Variants in FHAD1 observed in about 807,000 individuals in gnomAD.
FHAD1 encodes forkhead associated phosphopeptide binding domain 1.
A neutral mutation model predicts 191.3 loss-of-function variants in FHAD1; 146 were observed. The observed-to-expected ratio is 0.76, with a 90% confidence interval of 0.67 to 0.88. The LOEUF is 0.88. FHAD1 is among the 40% of genes least tolerant of loss of function. FHAD1 has a pLI of 0.00. For synonymous variants in FHAD1, 616 were observed against 672.3 expected (o/e 0.92, Z 1.29); for missense variants, 1,635 against 1,785.8 (o/e 0.92, Z 1.52).
intron 3 of FHAD1, among the ~76,000 whole-genome samples, chr1:15,287,853 A>G (rs1663049785): frequency 6.6e-6 from 1 of 152,016 alleles, no homozygotes; most frequent in Non-Finnish European, 1.5e-5. Context: ...AACCCAGCTG[A>G]AGTTCTAGGA....
chr1:15,363,829 A>G (rs1198958507), intron 23 of FHAD1: 4 of 454,946 alleles, frequency 8.8e-6, no homozygotes, highest in Non-Finnish European at 1.8e-5. Flanking sequence ...AGCAGCACGT[A>G]AAGAAGGAGG....
chr1:15,383,745 C>T (rs1458808298), intron 31 of FHAD1: 3 of 308,694 alleles, frequency 9.7e-6, no homozygotes, highest in South Asian at 2.8e-5. Context: ...GCTTTGCAGC[C>T]GTGATAGGGC....
At chr1:15,362,832 A>T in intron 23 of FHAD1, 106 bp downstream of exon 23, 1 of 841,246 alleles carries the variant, frequency 1.2e-6, no homozygotes, top group East Asian at 2.7e-5. Context: ...CAGAAGCCAA[A>T]CAAGGAGCCG....
chr1:15,272,461 C>T lies in FHAD1; in HGVS notation c.232C>T (p.Pro78Ser), dbSNP rs1244039268. The change falls in exon 3 of 34, where the codon CCT becomes TCT. Residue 78 changes from proline (P) to serine (S), a missense_variant. By Grantham distance (74) the Pro-to-Ser change is moderately conservative (BLOSUM62 -1). Coordinates refer to ENST00000688493, the MANE Select transcript of FHAD1 (RefSeq NM_001391957.1). The part of the protein sequence containing the change: ...HIQNVAVKLI[P>S]GDILRFGSAG... ...TCAAAACGTGGCTGTGAAGCTCATC[C>T]CTGGAGACATCCTGAGATTTGGGTC... 2 of 1,551,186 alleles carry T rather than the reference C, an allele frequency of 1.3e-6. No individual in the cohort carries two copies. The highest frequency in any genetic ancestry group is 2.7e-5 in the African/African-American group (2 of 73,024).
chr1:15,252,476 A>G (rs1615985), intron 2 of FHAD1, among the ~76,000 whole-genome samples: 44,209 of 151,986 alleles, frequency 0.29, 7,443 homozygotes, highest in Non-Finnish European at 0.39. Flanking sequence ...GACATAGCAC[A>G]CTGGTGGGCA....
intron 15 of FHAD1, 25 bp downstream of exon 15, chr1:15,339,576 C>G (rs1685681357): frequency 3.3e-6 from 4 of 1,212,180 alleles, no homozygotes; most frequent in Non-Finnish European, 4.4e-6. Flanking sequence ...TTCTTTTTTT[C>G]CAAAGTTCAT....
chr1:15,287,577 C>T (rs191771781), intron 3 of FHAD1, among the ~76,000 whole-genome samples: 40 of 152,270 alleles, frequency 2.6e-4, no homozygotes, highest in African/African-American at 8.9e-4. Flanking sequence ...AGGTAACTGC[C>T]CCCATGATTC....
downstream of FHAD1, chr1:15,400,277 A>G (rs896697474): frequency 6.6e-6 from 1 of 152,246 alleles, no homozygotes; most frequent in Non-Finnish European, 1.5e-5. Flanking sequence ...ATCCCTATCT[A>G]TTTAAACCAC....
chr1:15,317,917 G>GA lies in FHAD1; in HGVS notation c.1360dup (p.Ser454LysfsTer4). 6.4e-7 allele frequency: 1 copy of GA among 1,550,660 alleles called. No individual in the cohort carries two copies. Among genetic ancestry groups the GA allele is most frequent in the South Asian group, 1.2e-5 (1 of 83,992 alleles). ...AAGCGTGATCTCTAGGACTCTGAGAGAAAAAAGCAAGGTACGTAGTGGACA... is the reference window on the plus strand; with the variant it reads ...AAGCGTGATCTCTAGGACTCTGAGAGAAAAAAAGCAAGGTACGTAGTGGACA... On this transcript the variant is annotated frameshift_variant, in exon 10 of 34. Coordinates refer to ENST00000688493, the MANE Select transcript of FHAD1 (RefSeq NM_001391957.1). LOFTEE classifies it high-confidence loss of function.
rs561909148 is a variant in FHAD1, at chr1:15,289,484, C to A, written c.386C>A (p.Pro129Gln). Residue 129 changes from proline to glutamine, a missense_variant, in exon 4 of 34, where the codon CCA becomes CAA. Physicochemically the swap from Pro to Gln is moderately conservative, Grantham distance 76. Transcript: ENST00000688493. This position sits in a 1 kb window ranked among gnomAD's most constrained non-coding sequence, Gnocchi z 4.2. ...RATQQPNQAPPPSHIPFHQGV... is the reference protein window; with the variant it reads ...RATQQPNQAPQPSHIPFHQGV... ...ACACAGCAGCCAAACCAGGCCCCCC[C>A]ACCATCACATATCCCCTTCCACCAA... The A allele has an allele frequency of 5.2e-6, 8 of 1,551,898 alleles. No homozygotes were observed. The highest frequency in any genetic ancestry group is 2.4e-5 in the East Asian group (1 of 40,930).
At chr1:15,384,804 A>T (rs752670181) in intron 31 of FHAD1, among the ~76,000 whole-genome samples, 5 of 152,178 alleles carry the variant, frequency 3.3e-5, no homozygotes, top group Admixed American at 6.5e-5. Flanking sequence ...TTGCTGTCAG[A>T]TGCACCCCAC....
At chr1:15,353,730 AAG>A (rs1691724846) in intron 20 of FHAD1, among the ~76,000 whole-genome samples, 2 of 147,288 alleles carry the variant, frequency 1.4e-5, no homozygotes, top group African/African-American at 5.3e-5. Context: ...AAAAAAAGAA[AAG>A]AAAAAAAAAA....
At chr1:15,359,933 G>C (rs576363344) in intron 21 of FHAD1, among the ~76,000 whole-genome samples, 3 of 152,112 alleles carry the variant, frequency 2.0e-5, no homozygotes, top group East Asian at 3.9e-4. Context: ...CTGGGTGACA[G>C]AGAGAGACTC....
intron 10 of FHAD1, among the ~76,000 whole-genome samples, chr1:15,324,059 G>T (rs953155310): frequency 6.6e-6 from 1 of 152,146 alleles, no homozygotes; most frequent in Non-Finnish European, 1.5e-5. Context: ...CCCTTACGAA[G>T]CGCTGTCACT....
intron 5 of FHAD1, among the ~76,000 whole-genome samples, chr1:15,300,127 C>T (rs749890715): frequency 2.6e-5 from 4 of 152,224 alleles, no homozygotes; most frequent in Non-Finnish European, 4.4e-5. Context: ...AATTTTTGTT[C>T]TCAATCTTCC....
intron 3 of FHAD1, among the ~76,000 whole-genome samples, chr1:15,273,236 A>G (rs1656888297): frequency 6.6e-6 from 1 of 152,212 alleles, no homozygotes; most frequent in Admixed American, 6.5e-5. Context: ...GTAGTGGCAT[A>G]ACATTTGAAA....
At chr1:15,369,682 C>T (rs1697537569) in intron 26 of FHAD1, among the ~76,000 whole-genome samples, 180 bp downstream of exon 26, 1 of 152,240 alleles carries the variant, frequency 6.6e-6, no homozygotes, top group South Asian at 2.1e-4. Flanking sequence ...GAGGTCACAG[C>T]TGTCCACGGT....
chr1:15,269,848 G>C (rs950656997), intron 2 of FHAD1, among the ~76,000 whole-genome samples: 3 of 151,374 alleles, frequency 2.0e-5, no homozygotes, highest in African/African-American at 7.3e-5. Flanking sequence ...CTGTTGTTAG[G>C]TGCATGCACA....
intron 26 of FHAD1, 103 bp from the exon 27 acceptor site, chr1:15,374,399 A>G: frequency 7.1e-7 from 1 of 1,399,070 alleles, no homozygotes; most frequent in Non-Finnish European, 9.7e-7. Context: ...CAAAGGTGCT[A>G]AGTGACTGGG....
Sources: allele counts gnomAD v4.1 joint callset (sites outside exome capture counted in the v4.1 genomes callset), GRCh38; gene constraint gnomAD v4.1.1; non-coding constraint Gnocchi (gnomAD v3.1); transcripts MANE v1.5; gene names NCBI Gene and HGNC (gene_info 2026-07-23, HGNC 2026-07-21).